Variants in SNTG1 observed in about 807,000 individuals in gnomAD.
SNTG1 encodes syntrophin gamma 1, also known as gamma-1-syntrophin.
Under a neutral mutation model 74.7 loss-of-function variants are expected in SNTG1, and 39 were observed. The observed-to-expected ratio is 0.52, with a 90% CI of 0.40 to 0.68. SNTG1 has a LOEUF of 0.68. Ranked by LOEUF, SNTG1 falls within the 30% of genes least tolerant of loss-of-function variation. The pLI is 0.00. For synonymous variants in SNTG1, 254 were observed against 217.1 expected (o/e 1.17, Z -1.49); for missense variants, 685 against 609.5 (o/e 1.12, Z -1.30).
intron 13 of SNTG1, among the ~76,000 whole-genome samples, chr8:50,644,609 TAATA>T (rs1044577889): frequency 3.3e-5 from 5 of 152,298 alleles, no homozygotes; most frequent in South Asian, 2.1e-4. Context: ...AGTAGGCTAT[TAATA>T]GTAAAATGTG....
At chr8:50,786,238 A>G (rs1265012875) in intron 18 of SNTG1, among the ~76,000 whole-genome samples, 1 of 152,006 alleles carries the variant, frequency 6.6e-6, no homozygotes, top group Non-Finnish European at 1.5e-5. Flanking sequence ...GCAATGGATT[A>G]GAGTAGGTAA....
At chr8:50,374,621 C>T (rs748413951) in intron 2 of SNTG1, among the ~76,000 whole-genome samples, 14 of 152,108 alleles carry the variant, frequency 9.2e-5, no homozygotes, top group Non-Finnish European at 1.2e-4. Flanking sequence ...AACTTTGCTC[C>T]GCAGAGCTCC....
intron 1 of SNTG1, among the ~76,000 whole-genome samples, chr8:50,089,858 A>G (rs1294269469): frequency 6.6e-6 from 1 of 152,212 alleles, no homozygotes; most frequent in East Asian, 1.9e-4. Context: ...GCGATTCCTC[A>G]GGGATCTAGA....
chr8:50,365,481 C>T (rs2092083090), intron 2 of SNTG1, among the ~76,000 whole-genome samples: 1 of 151,856 alleles, frequency 6.6e-6, no homozygotes, highest in African/African-American at 2.4e-5. Flanking sequence ...TAAACTTTCC[C>T]TTTGAAATTT....
intron 1 of SNTG1, among the ~76,000 whole-genome samples, chr8:50,154,907 C>T (rs944930366): frequency 6.6e-6 from 1 of 152,140 alleles, no homozygotes; most frequent in Non-Finnish European, 1.5e-5. Context: ...TAGTTCAGTT[C>T]ATGGCAATGT....
intron 15 of SNTG1, among the ~76,000 whole-genome samples, chr8:50,662,812 T>C (rs2095231325): frequency 6.6e-6 from 1 of 152,068 alleles, no homozygotes; most frequent in African/African-American, 2.4e-5. Flanking sequence ...ATCTGTGAAA[T>C]GCAGCTATGG....
intron 1 of SNTG1, among the ~76,000 whole-genome samples, chr8:49,950,297 T>C (rs997343834): frequency 6.6e-6 from 1 of 152,180 alleles, no homozygotes; most frequent in African/African-American, 2.4e-5. Context: ...CATCTCAAAG[T>C]CCCATGGCAC....
intron 1 of SNTG1, among the ~76,000 whole-genome samples, chr8:50,077,146 T>G (rs933183149): frequency 1.3e-5 from 2 of 152,206 alleles, no homozygotes; most frequent in Non-Finnish European, 2.9e-5. Flanking sequence ...TCCAACTGCA[T>G]ATTTTGGCTA....
chr8:50,527,522 G>A (rs1403306197), intron 9 of SNTG1, among the ~76,000 whole-genome samples: 2 of 151,888 alleles, frequency 1.3e-5, no homozygotes, highest in Admixed American at 1.3e-4. Context: ...TTTGATATAT[G>A]TATATATATG....
chr8:50,161,072 C>G (rs570425668), intron 1 of SNTG1, among the ~76,000 whole-genome samples: 11 of 152,198 alleles, frequency 7.2e-5, no homozygotes, highest in South Asian at 6.2e-4. Flanking sequence ...ATAGATAGAT[C>G]ATTAAGGACA....
At chr8:50,211,922 A>G (rs2084539744) in intron 2 of SNTG1, among the ~76,000 whole-genome samples, 1 of 152,128 alleles carries the variant, frequency 6.6e-6, no homozygotes, top group South Asian at 2.1e-4. Flanking sequence ...TCAAGGTGTT[A>G]TTATTTTCTA....
At chr8:49,910,988 C>T (rs1296853992), upstream of SNTG1, 1 of 152,252 alleles carries the variant, frequency 6.6e-6, no homozygotes, top group African/African-American at 2.4e-5. Flanking sequence ...CTGCGTTCGC[C>T]GGATCCTCTG....
rs1586325530 is a variant in SNTG1, at chr8:50,112,380, T to C, written c.-102-60181T>C. Among the ~76,000 whole-genome samples, 3 of 152,222 alleles carry C rather than the reference T, an allele frequency of 2.0e-5. No individual in the cohort carries two copies. In the East Asian group the frequency reaches 5.8e-4, roughly 29 times the overall value. On this transcript the variant is annotated intron_variant, in intron 1 of 18. Transcript: ENST00000642720. ...TAACCTTCTGATTTGAAGGTTCATATGGTAGCATAAACTGAAGCAATACAG... is the reference window on the plus strand; with the variant it reads ...TAACCTTCTGATTTGAAGGTTCATACGGTAGCATAAACTGAAGCAATACAG...
At chr8:50,305,414 A>C (rs1374620933) in intron 2 of SNTG1, among the ~76,000 whole-genome samples, 1 of 151,736 alleles carries the variant, frequency 6.6e-6, no homozygotes. Flanking sequence ...GGTGTTGGTC[A>C]TTTGGATTTG....
intron 4 of SNTG1, among the ~76,000 whole-genome samples, chr8:50,424,624 A>C (rs775469557): frequency 6.6e-6 from 1 of 152,192 alleles, no homozygotes; most frequent in Non-Finnish European, 1.5e-5. Context: ...AAACTTAATT[A>C]GCTGACATGG....
At chr8:49,964,171 A>AT (rs1810941129) in intron 1 of SNTG1, among the ~76,000 whole-genome samples, 1 of 152,178 alleles carries the variant, frequency 6.6e-6, no homozygotes, top group Admixed American at 6.6e-5. Flanking sequence ...TTAATATTTG[A>AT]ATCAGTAGAC....
intron 13 of SNTG1, among the ~76,000 whole-genome samples, chr8:50,622,098 A>G (rs1003304658): frequency 2.0e-5 from 3 of 152,126 alleles, no homozygotes; most frequent in African/African-American, 7.2e-5. Flanking sequence ...CCTCATAGGT[A>G]TTGCATCTGC....
At chr8:50,772,094 C>T (rs577805151) in intron 18 of SNTG1, among the ~76,000 whole-genome samples, 1 of 151,988 alleles carries the variant, frequency 6.6e-6, no homozygotes, top group African/African-American at 2.4e-5. Flanking sequence ...AAGTCCTCAC[C>T]AGCACAATGC....
intron 1 of SNTG1, among the ~76,000 whole-genome samples, chr8:50,113,032 C>T (rs955429899): frequency 1.3e-5 from 2 of 152,072 alleles, no homozygotes; most frequent in Non-Finnish European, 2.9e-5. Context: ...AGCATGATGC[C>T]TCCAGCTTTG....
Sources: gnomAD v4.1 joint callset for allele counts (sites outside exome capture counted in the v4.1 genomes callset) on GRCh38, gnomAD v4.1.1 for gene constraint, MANE v1.5 for transcripts, NCBI Gene and HGNC (gene_info 2026-07-23, HGNC 2026-07-21) for gene names.